GALK2: variants seen among roughly 807,000 people sequenced by gnomAD.
GALK2 encodes galactokinase 2.
GALK2 carries 36 observed loss-of-function variants against 52.4 expected under a neutral mutation model. That is an observed-to-expected ratio of 0.69 (90% CI 0.53 to 0.91). The LOEUF (loss-of-function observed/expected upper bound fraction) is 0.91. Among genes scored for constraint, GALK2 ranks in the 40% least tolerant of loss-of-function variants. GALK2 has a pLI of 0.00. For synonymous variants in GALK2, 176 were observed against 199.1 expected, an observed-to-expected ratio of 0.88 and a Z score of 0.98; for missense variants, 579 against 559.1, an observed-to-expected ratio of 1.04 and a Z score of -0.36.
At chr15:49,210,489 G>T (rs2088753974) in intron 2 of GALK2, among the ~76,000 whole-genome samples, 2 of 151,690 alleles carry the variant, frequency 1.3e-5, no homozygotes, top group Admixed American at 1.3e-4. Context: ...GCCCAAGCTG[G>T]AGTGCAATGG....
chr15:49,304,177 A>G (rs2035351794), intron 8 of GALK2, among the ~76,000 whole-genome samples: 1 of 152,082 alleles, frequency 6.6e-6, no homozygotes, highest in Non-Finnish European at 1.5e-5. Flanking sequence ...TTTGCTACTT[A>G]TGCTTTCATT....
chr15:49,347,355 A>G (rs996461077), intron 3 of GALK2, among the ~76,000 whole-genome samples: 1 of 152,208 alleles, frequency 6.6e-6, no homozygotes, highest in Non-Finnish European at 1.5e-5. Context: ...AGACTGTAAC[A>G]GCTTAGTGAT....
intron 8 of GALK2, among the ~76,000 whole-genome samples, chr15:49,292,920 G>A (rs1436030138): frequency 1.3e-5 from 2 of 152,086 alleles, no homozygotes; most frequent in African/African-American, 2.4e-5. Context: ...TCACGTCTTA[G>A]GTTGAAACTT....
At chr15:49,179,685 A>G (rs974065667) in intron 1 of GALK2, among the ~76,000 whole-genome samples, 1 of 150,798 alleles carries the variant, frequency 6.6e-6, no homozygotes, top group Non-Finnish European at 1.5e-5. Context: ...TTTTAAGTCA[A>G]AAGAGCATTC....
chr15:49,366,837 A>G (rs1012404926), intron 3 of GALK2, among the ~76,000 whole-genome samples: 1 of 152,028 alleles, frequency 6.6e-6, no homozygotes, highest in Non-Finnish European at 1.5e-5. Context: ...CCCACACTCT[A>G]ATTTAGTGGC....
intron 5 of GALK2, among the ~76,000 whole-genome samples, chr15:49,269,217 G>A (rs2029972945): frequency 6.6e-6 from 1 of 152,180 alleles, no homozygotes; most frequent in African/African-American, 2.4e-5. Context: ...TTCTCCCATG[G>A]TGTGTAGCAT....
Position 49,268,464 on chromosome 15 carries a change from A to G in GALK2, c.505-13523A>G, listed in dbSNP as rs530694530. On this transcript the variant is annotated intron_variant, in intron 5 of 9. Coordinates refer to ENST00000560031, the MANE Select transcript of GALK2 (RefSeq NM_002044.4). The stretch of plus-strand genomic sequence containing the variant: ...GCTTTGCAGAGCTAAAACTTCAGCT[A>G]TAGAAATTAGTAATATATCCACTGA... Among the ~76,000 whole-genome samples the G allele has an allele frequency of 3.5e-4, 54 of 152,336 alleles. 1 individual carries two copies. The South Asian group carries it at 0.01, about 29-fold the overall frequency.
In GALK2 at chr15:49,227,516, G is replaced by GT. The variant is rs1316242358; in HGVS notation, c.267-8328dup. On this transcript the variant is annotated intron_variant, in intron 3 of 9. Transcript: ENST00000560031. The stretch of plus-strand genomic sequence containing the variant: ...ATTCTCTTACTTTCAATATATATGT[G>GT]TTTTTTTCAGATGAAAAGAGGTTTT... Among the ~76,000 whole-genome samples, 4 of 151,166 alleles carry GT rather than the reference G, an allele frequency of 2.6e-5. No individual in the cohort carries two copies. In the East Asian group the frequency reaches 5.9e-4, roughly 22 times the overall value.
intron 3 of GALK2, among the ~76,000 whole-genome samples, chr15:49,360,439 C>A (rs1286999731): frequency 6.6e-6 from 1 of 152,118 alleles, no homozygotes; most frequent in Admixed American, 6.5e-5. Flanking sequence ...ACTACACCAA[C>A]ATTTTGGCTC....
intron 5 of GALK2, among the ~76,000 whole-genome samples, chr15:49,268,970 T>G (rs1342093726): frequency 6.6e-6 from 1 of 152,228 alleles, no homozygotes; most frequent in East Asian, 1.9e-4. Flanking sequence ...GTTTCTATTT[T>G]TATCTAAGTT....
chr15:49,332,087 C>CCCCA (rs907403896), downstream of GALK2, among the ~76,000 whole-genome samples: 35 of 127,986 alleles, frequency 2.7e-4, 1 homozygote, highest in African/African-American at 8.2e-4. Context: ...TGCACACGTG[C>CCCCA]CACACACACA....
rs368842223 is a variant in GALK2, at chr15:49,319,630, G to T, written c.994G>T (p.Ala332Ser). The T allele has an allele frequency of 6.2e-7, 1 of 1,614,090 alleles. No individual in the cohort carries two copies. The highest frequency in any genetic ancestry group is 8.5e-7 in the Non-Finnish European group (1 of 1,180,022). The change falls in exon 9 of 10, where the codon GCA becomes TCA. Residue 332 changes from alanine to serine, a missense_variant. By Grantham distance (99) the Ala-to-Ser change is moderately conservative. Transcript: ENST00000560031. ...DVLIFKLYQR[A>S]KHVYSEAARV... is the part of the protein sequence containing the mutation. ...GCTCATCTTCAAACTCTATCAGCGG[G>T]CAAAGCATGTGTACAGCGAGGCTGC...
intron 3 of GALK2, among the ~76,000 whole-genome samples, chr15:49,231,833 G>T (rs528589649): frequency 6.2e-4 from 95 of 152,352 alleles, no homozygotes; most frequent in African/African-American, 2.2e-3. Flanking sequence ...CAAGGGGTGG[G>T]CTCCTAAGGT....
intron 3 of GALK2, among the ~76,000 whole-genome samples, chr15:49,348,862 C>T (rs1168648932): frequency 6.6e-6 from 1 of 152,188 alleles, no homozygotes; most frequent in African/African-American, 2.4e-5. Flanking sequence ...AAGTTTTCTT[C>T]TCTTATTTGA....
intron 1 of GALK2, among the ~76,000 whole-genome samples, chr15:49,197,255 G>A (rs1193245296): frequency 6.6e-6 from 1 of 152,116 alleles, no homozygotes; most frequent in African/African-American, 2.4e-5. Flanking sequence ...CCTTGTTTTA[G>A]TTATGTGTCT....
At chr15:49,254,463 C>T (rs2091732034) in intron 5 of GALK2, among the ~76,000 whole-genome samples, 1 of 144,126 alleles carries the variant, frequency 6.9e-6, no homozygotes, top group Admixed American at 7.0e-5. Context: ...AATCAGGACT[C>T]TTTATGCTGT....
chr15:49,346,051 A>ATT (rs35105464), intron 3 of GALK2, among the ~76,000 whole-genome samples: 74 of 145,536 alleles, frequency 5.1e-4, no homozygotes, highest in East Asian at 3.1e-3. Flanking sequence ...TGCTTTTGTT[A>ATT]TTTTTTTTTT....
chr15:49,235,267 A>G (rs553213580), intron 3 of GALK2, among the ~76,000 whole-genome samples: 11 of 152,220 alleles, frequency 7.2e-5, no homozygotes, highest in African/African-American at 2.6e-4. Flanking sequence ...CATTCCTTCT[A>G]TATCTATTAG....
At chr15:49,283,501 T>G (rs768965991) in intron 6 of GALK2, 65 bp from the exon 7 acceptor site, 279 of 1,386,774 alleles carry the variant, frequency 2.0e-4, no homozygotes, top group Non-Finnish European at 2.6e-4. Context: ...GATAAATACA[T>G]AAACACTTGA....
Sources: gnomAD v4.1 joint callset for allele counts (sites outside exome capture counted in the v4.1 genomes callset) on GRCh38, gnomAD v4.1.1 for gene constraint, MANE v1.5 for transcripts, NCBI Gene and HGNC (gene_info 2026-07-23, HGNC 2026-07-21) for gene names.